The following MYH11 variants were observed in gnomAD, a reference collection of about 807,000 sequenced individuals.
MYH11 encodes the protein myosin-11.
In MYH11, 80 loss-of-function variants were observed where a neutral mutation model predicts 246.6. The observed-to-expected ratio is 0.32, with a 90% CI of 0.27 to 0.39. The LOEUF is 0.39. Ranked by LOEUF, MYH11 falls within the 10% of genes least tolerant of loss-of-function variation. The probability of loss-of-function intolerance (pLI) is 1.00; values close to 1 mark genes in which losing one functional copy is unlikely to be tolerated. For missense variants in MYH11, 2,158 were observed against 2,546.8 expected (o/e 0.85, Z 3.29); for synonymous variants, 1,071 against 1,015.5 (o/e 1.05, Z -1.04).
intron 3 of MYH11, among the ~76,000 whole-genome samples, chr16:15,801,851 G>A (rs898297526): frequency 7.9e-5 from 12 of 152,136 alleles, no homozygotes; most frequent in East Asian, 1.9e-4. Flanking sequence ...AAGGTACTCC[G>A]GAGGCTGAGG....
chr16:15,826,705 A>G (rs1402462863), intron 2 of MYH11, among the ~76,000 whole-genome samples: 1 of 152,134 alleles, frequency 6.6e-6, no homozygotes, highest in Non-Finnish European at 1.5e-5. Flanking sequence ...TTGAAGGTAC[A>G]GGATTGTTGG....
chr16:15,719,283 C>A lies in MYH11; in HGVS notation c.5108G>T (p.Arg1703Leu). 1 of 1,612,538 alleles carries A rather than the reference C, an allele frequency of 6.2e-7. No individual in the cohort carries two copies. Among genetic ancestry groups the A allele is most frequent in the Non-Finnish European group, 8.5e-7 (1 of 1,180,014 alleles). Residue 1703 changes from arginine (R) to leucine (L), a missense_variant, in exon 36 of 41, where the codon CGC becomes CTC. By Grantham distance (102) the Arg-to-Leu change is moderately radical. Around this residue, in one of 11 missense-constraint regions of MYH11, gnomAD observed 1,013 missense variants for 993.5 expected, o/e 1.02. Transcript: ENST00000300036. ...QEDLAAAERA[R>L]KQADLEKEEL... ...CTCCTTCTCGAGGTCCGCTTGTTTG[C>A]GAGCCCTCTCAGCGGCGGCGAGGTC...
chr16:15,784,605 G>T, intron 5 of MYH11: 1 of 1,380,924 alleles, frequency 7.2e-7, no homozygotes, highest in African/African-American at 1.4e-5. Context: ...TCTACCACCA[G>T]CTACGGGACT....
At chr16:15,847,918 G>A in intron 1 of MYH11, among the ~76,000 whole-genome samples, 1 of 152,144 alleles carries the variant, frequency 6.6e-6, no homozygotes, top group South Asian at 2.1e-4. Context: ...GGGCTGGGGT[G>A]GAGCTGCGGA....
intron 1 of MYH11, among the ~76,000 whole-genome samples, chr16:15,846,173 A>T (rs192521379): frequency 6.6e-6 from 1 of 152,086 alleles, no homozygotes; most frequent in Non-Finnish European, 1.5e-5. Context: ...TGCCTTTCAC[A>T]TAAGGTGGGT....
At chr16:15,795,847 G>A (rs1429674755) in intron 4 of MYH11, among the ~76,000 whole-genome samples, 1 of 152,196 alleles carries the variant, frequency 6.6e-6, no homozygotes, top group Non-Finnish European at 1.5e-5. Context: ...CTGAGGCTCA[G>A]AGAAGTGAAC....
At chr16:15,836,669 G>A (rs549291614) in intron 2 of MYH11, among the ~76,000 whole-genome samples, 35 of 151,522 alleles carry the variant, frequency 2.3e-4, no homozygotes, top group African/African-American at 8.0e-4. Context: ...CAAAGTGCTG[G>A]GATTACAGGT....
chr16:15,753,562 C>T (rs1244423443), intron 14 of MYH11, 54 bp from the exon 15 acceptor site: 43 of 1,419,758 alleles, frequency 3.0e-5, no homozygotes, highest in African/African-American at 1.4e-5. Context: ...AACTTAGAAA[C>T]CAAGGCCAGG....
chr16:15,763,217 C>A (rs1419382462), intron 10 of MYH11, among the ~76,000 whole-genome samples: 2 of 152,152 alleles, frequency 1.3e-5, no homozygotes, highest in African/African-American at 2.4e-5. Context: ...ACCCCTAATT[C>A]TCAGGGCAAT....
Position 15,725,010 on chromosome 16 carries a change from C to G in MYH11, c.3859-18G>C. 2 of 1,610,524 alleles carry G rather than the reference C, an allele frequency of 1.2e-6. No individual in the cohort carries two copies. The highest frequency in any genetic ancestry group is 1.7e-6 in the Non-Finnish European group (2 of 1,177,540). On this transcript the variant is annotated intron_variant, in intron 28 of 40. Coordinates refer to ENST00000300036, the MANE Select transcript of MYH11 (RefSeq NM_002474.3). ...ACTTCATTCTAAGGGTGCCAAGAGA[C>G]TGGTTAGTCAAAGCCTCTAGAAGGG...
At chr16:15,742,889 C>CT (rs1418266199) in intron 20 of MYH11, among the ~76,000 whole-genome samples, 10 of 151,498 alleles carry the variant, frequency 6.6e-5, no homozygotes, top group African/African-American at 2.2e-4. Flanking sequence ...AATCATAGCT[C>CT]ACTGCAGCCT....
At position 15,771,476 on chromosome 16, in the gene MYH11, G is replaced by A. The variant is rs370300088; in HGVS notation, c.1033+93C>T. 30 of 1,143,520 alleles carry A rather than the reference G, an allele frequency of 2.6e-5. No individual in the cohort carries two copies. In the African/African-American group the frequency reaches 4.1e-4, roughly 16 times the overall value. The allele number at this position is 1,143,520 out of a possible 1,614,324, so 70.8% of individuals were successfully genotyped here. A position where few individuals can be genotyped will look rare whatever the true frequency, so the allele number is the denominator to read the frequency against. On this transcript the variant is annotated intron_variant, in intron 9 of 40. Transcript: ENST00000300036. ...TTTAATGGAAGGTGGGGAATTCAGA[G>A]AGCAGAAATCTGTCCTGACCAGAGA...
At chr16:15,746,083 A>AT (rs2041411172) in intron 19 of MYH11, among the ~76,000 whole-genome samples, 1 of 149,780 alleles carries the variant, frequency 6.7e-6, no homozygotes, top group African/African-American at 2.5e-5. Context: ...TGCCCAGCTA[A>AT]TTTTTAAAGT....
chr16:15,707,314 C>G (rs763137728), intron 40 of MYH11, among the ~76,000 whole-genome samples: 7 of 152,134 alleles, frequency 4.6e-5, no homozygotes, highest in Admixed American at 1.3e-4. Context: ...TAGGCATGAC[C>G]CACTGTGCCT....
chr16:15,818,053 G>C (rs570977103), intron 3 of MYH11, among the ~76,000 whole-genome samples: 14 of 152,326 alleles, frequency 9.2e-5, no homozygotes, highest in African/African-American at 3.4e-4. Context: ...AAGAAGGATG[G>C]AGTTTATAGG....
chr16:15,818,463 C>T (rs957429552), intron 3 of MYH11, among the ~76,000 whole-genome samples: 31 of 152,140 alleles, frequency 2.0e-4, no homozygotes, highest in South Asian at 1.0e-3. Flanking sequence ...GATGGAGTCT[C>T]GCTTTGTTGC....
rs2041750133 is a variant in MYH11, at chr16:15,757,299, G to A, written c.1575+528C>T. 2.0e-5 allele frequency among the ~76,000 whole-genome samples: 3 copies of A among 151,388 alleles called. No individual in the cohort carries two copies. The South Asian group carries it at 6.3e-4, about 32-fold the overall frequency. ...AGCCTCCCAAATAGCTGGGACCACA[G>A]GCGTGCACCACCAGGCCCGGCTAAT... On this transcript the variant is annotated intron_variant, in intron 13 of 40. Transcript: ENST00000300036.
At chr16:15,715,327 C>T (rs1222814422) in intron 38 of MYH11, 55 bp from the exon 39 acceptor site, 5 of 1,567,306 alleles carry the variant, frequency 3.2e-6, no homozygotes, top group East Asian at 4.5e-5. Context: ...CCCCTTGTAG[C>T]TGGTGTGTCA....
chr16:15,711,915 ACTC>A (rs1296717978), intron 40 of MYH11, among the ~76,000 whole-genome samples: 1 of 151,916 alleles, frequency 6.6e-6, no homozygotes, highest in African/African-American at 2.4e-5. Flanking sequence ...CTGGCCTTGA[ACTC>A]CTGACCTCAG....
Sources: gnomAD v4.1 joint callset for allele counts (sites outside exome capture counted in the v4.1 genomes callset) on GRCh38, gnomAD v4.1.1 for gene constraint, gnomAD v4.1.1 regional missense constraint, MANE v1.5 for transcripts, NCBI Gene and HGNC (gene_info 2026-07-23, HGNC 2026-07-21) for gene names.